NTRK3: variants seen among roughly 807,000 people sequenced by gnomAD.
The protein encoded by NTRK3 is NT-3 growth factor receptor.
In NTRK3, 24 loss-of-function variants were observed where a neutral mutation model predicts 91.7. The observed-to-expected ratio is 0.26, with a 90% confidence interval of 0.19 to 0.37. The LOEUF is 0.37. Among genes scored for constraint, NTRK3 ranks in the 10% least tolerant of loss-of-function variants. NTRK3 has a pLI of 1.00. For synonymous variants in NTRK3, 483 were observed against 404.0 expected, an observed-to-expected ratio of 1.20 and a Z score of -2.34; for missense variants, 880 against 1,068.9, an observed-to-expected ratio of 0.82 and a Z score of 2.46.
intron 13 of NTRK3, among the ~76,000 whole-genome samples, chr15:88,115,502 G>C (rs949229683): frequency 2.0e-4 from 30 of 152,170 alleles, no homozygotes; most frequent in African/African-American, 7.2e-4. Context: ...GCCCTCCTTG[G>C]GGCTTCATGT....
At chr15:88,063,402 C>T (rs1345287250) in intron 13 of NTRK3, among the ~76,000 whole-genome samples, 1 of 152,246 alleles carries the variant, frequency 6.6e-6, no homozygotes. Context: ...CTGAAGACAG[C>T]TTCTCTCACT....
At chr15:88,190,883 T>C (rs1025070825) in intron 3 of NTRK3, among the ~76,000 whole-genome samples, 17 of 152,246 alleles carry the variant, frequency 1.1e-4, no homozygotes, top group African/African-American at 1.9e-4. Context: ...ATTCCATTTG[T>C]ATTGTTAGAA....
At chr15:87,918,501 T>A (rs2067622452) in intron 17 of NTRK3, among the ~76,000 whole-genome samples, 1 of 152,182 alleles carries the variant, frequency 6.6e-6, no homozygotes, top group South Asian at 2.1e-4. Context: ...CATGCTAACC[T>A]CTCTGATGGA....
At chr15:87,944,776 G>T (rs990784416) in intron 14 of NTRK3, among the ~76,000 whole-genome samples, 1 of 152,234 alleles carries the variant, frequency 6.6e-6, no homozygotes, top group South Asian at 2.1e-4. Context: ...AACAGACAAA[G>T]CCCTGGGGAG....
rs955191768 is a variant in NTRK3 at position 87,989,826 on chromosome 15, A to G, written c.1585+43031T>C. ...TTCACCATGTTGGCCAGACTGGTCT[A>G]TAACTCCTGACCTCAAGGGATGCGC... On this transcript the variant is annotated intron_variant, in intron 14 of 18. Transcript: ENST00000394480. Among the ~76,000 whole-genome samples the G allele has an allele frequency of 5.3e-5, 8 of 152,030 alleles. No homozygotes were observed. In the South Asian group the frequency reaches 6.2e-4, roughly 12 times the overall value.
chr15:88,038,051 G>A (rs1596884973), intron 13 of NTRK3, among the ~76,000 whole-genome samples: 1 of 152,166 alleles, frequency 6.6e-6, no homozygotes, highest in East Asian at 1.9e-4. Context: ...TTATGCAAAG[G>A]GATACTTGAT....
At chr15:87,941,126 T>C (rs1567132662) in intron 14 of NTRK3, among the ~76,000 whole-genome samples, 1 of 152,130 alleles carries the variant, frequency 6.6e-6, no homozygotes, top group South Asian at 2.1e-4. Flanking sequence ...CTTGTCAAAA[T>C]GAAGATTCTA....
At chr15:87,952,679 C>T (rs909214418) in intron 14 of NTRK3, among the ~76,000 whole-genome samples, 7 of 152,320 alleles carry the variant, frequency 4.6e-5, no homozygotes, top group Non-Finnish European at 8.8e-5. Flanking sequence ...ATTTGGACAC[C>T]GTTTCCATCA....
At chr15:87,940,477 C>T in intron 15 of NTRK3, 146 bp downstream of exon 15, 1 of 1,320,932 alleles carries the variant, frequency 7.6e-7, no homozygotes, top group Non-Finnish European at 1.1e-6. Flanking sequence ...CCCTAGGAAA[C>T]TTCATTGACC....
At chr15:87,920,362 C>T (rs959528684) in intron 17 of NTRK3, among the ~76,000 whole-genome samples, 6 of 152,204 alleles carry the variant, frequency 3.9e-5, no homozygotes, top group Non-Finnish European at 5.9e-5. Flanking sequence ...GTGCATATCA[C>T]GACACCCAGT....
chr15:88,077,173 G>C (rs1168188950), intron 13 of NTRK3, among the ~76,000 whole-genome samples: 1 of 152,130 alleles, frequency 6.6e-6, no homozygotes, highest in Non-Finnish European at 1.5e-5. Context: ...ACAGTTGGAT[G>C]GATATAAATA....
At chr15:88,239,058 C>G (rs141312814) in intron 3 of NTRK3, among the ~76,000 whole-genome samples, 1 of 152,218 alleles carries the variant, frequency 6.6e-6, no homozygotes, top group East Asian at 1.9e-4. Context: ...GCTTAACACA[C>G]AGCAGCTGCT....
intron 14 of NTRK3, among the ~76,000 whole-genome samples, chr15:87,942,312 G>A (rs1487546376): frequency 2.0e-5 from 3 of 152,366 alleles, no homozygotes; most frequent in South Asian, 4.1e-4. Flanking sequence ...ACACTGCAGG[G>A]CTATGCCCCA....
At chr15:88,187,760 C>G (rs940032227) in intron 3 of NTRK3, among the ~76,000 whole-genome samples, 1 of 151,880 alleles carries the variant, frequency 6.6e-6, no homozygotes, top group Admixed American at 6.6e-5. Flanking sequence ...ATGGGGAAAC[C>G]CTGTCTCTAC....
chr15:88,102,359 G>T (rs1477263330), intron 13 of NTRK3, among the ~76,000 whole-genome samples: 2 of 152,120 alleles, frequency 1.3e-5, no homozygotes, highest in African/African-American at 4.8e-5. Flanking sequence ...AGGCCACCTG[G>T]AAAGGACAAA....
In NTRK3 at chr15:88,137,510, C is replaced by T; in HGVS notation, c.516G>A (p.Gln172=). The T allele has an allele frequency of 1.2e-6, 2 of 1,614,192 alleles. No individual in the cohort carries two copies. The highest frequency in any genetic ancestry group is 1.1e-5 in the South Asian group (1 of 91,080). ...TGGCCTCCCCCTGCTCCTGCCAGAG[C>T]TGCATCCAGCGGATGTCACAGCTGC... is the stretch of plus-strand genomic sequence containing the variant. The change falls in exon 7 of 19, where the codon CAG becomes CAA. Residue 172 remains glutamine, a synonymous_variant. Coordinates refer to ENST00000394480, the Ensembl canonical transcript of NTRK3.
chr15:88,191,687 T>C (rs2047410234), intron 3 of NTRK3, among the ~76,000 whole-genome samples: 1 of 152,250 alleles, frequency 6.6e-6, no homozygotes, highest in Admixed American at 6.5e-5. Context: ...GAAATTGATT[T>C]GTTATCCAGG....
At chr15:88,167,284 G>T (rs2045055424) in intron 5 of NTRK3, among the ~76,000 whole-genome samples, 1 of 152,178 alleles carries the variant, frequency 6.6e-6, no homozygotes, top group Non-Finnish European at 1.5e-5. Context: ...ACAGTAAGGT[G>T]GTGACTGACT....
chr15:87,974,194 A>G (rs1596477162), intron 14 of NTRK3, among the ~76,000 whole-genome samples: 1 of 150,444 alleles, frequency 6.6e-6, no homozygotes, highest in East Asian at 1.9e-4. Context: ...GTGGCTGGGG[A>G]GGTGGAGGTG....
Sources: gnomAD v4.1 joint callset for allele counts (sites outside exome capture counted in the v4.1 genomes callset) on GRCh38, gnomAD v4.1.1 for gene constraint, MANE v1.5 for transcripts, NCBI Gene and HGNC (gene_info 2026-07-23, HGNC 2026-07-21) for gene names.